The following GDF5 variants were observed in gnomAD, a reference collection of about 807,000 sequenced individuals.
GDF5 encodes growth differentiation factor 5.
GDF5 carries 17 observed loss-of-function variants against 34.6 expected under a neutral mutation model. The ratio of observed to expected loss-of-function variants is 0.49; its 90% confidence interval spans 0.34 to 0.74. The LOEUF (loss-of-function observed/expected upper bound fraction) is 0.74, where lower values mean the gene tolerates loss of function less well. Among genes scored for constraint, GDF5 ranks in the 30% least tolerant of loss-of-function variants. The pLI is 0.01. For missense variants in GDF5, 616 were observed against 661.2 expected, an observed-to-expected ratio of 0.93 and a Z score of 0.75; for synonymous variants, 332 against 290.7, an observed-to-expected ratio of 1.14 and a Z score of -1.44.
At chr20:35,436,302 C>T (rs1310372785) in intron 1 of GDF5, among the ~76,000 whole-genome samples, 1 of 151,976 alleles carries the variant, frequency 6.6e-6, no homozygotes, top group Non-Finnish European at 1.5e-5. Context: ...CCACCTCAGC[C>T]AGACCTGCTG....
At chr20:35,439,908 CTTTT>C (rs34397706), upstream of GDF5, among the ~76,000 whole-genome samples, 12 of 71,632 alleles carry the variant, frequency 1.7e-4, no homozygotes, top group African/African-American at 6.0e-4. Flanking sequence ...AGGCTTCCTT[CTTTT>C]TTTTTTTTTT....
intron 1 of GDF5, among the ~76,000 whole-genome samples, chr20:35,453,235 G>A (rs907682794): frequency 6.6e-6 from 1 of 152,152 alleles, no homozygotes; most frequent in African/African-American, 2.4e-5. Context: ...GGGCGACAAA[G>A]CAAGACCCCG....
chr20:35,437,748 C>T lies in GDF5; in HGVS notation c.181G>A (p.Gly61Arg), dbSNP rs1460142005. ...GCCCCCCCACCATAGCTGTGACCCC[C>T]TGGCCTGAAGACGTTCCGGGCCAGG... ...PPLARNVFRP[G>R]GHSYGGGATN... The change falls in exon 1 of 2, where the codon GGG becomes AGG. Residue 61 changes from glycine (G) to arginine (R), a missense_variant. By Grantham distance (125) the Gly-to-Arg change is moderately radical (BLOSUM62 -2). Coordinates refer to ENST00000374369, the MANE Select transcript of GDF5 (RefSeq NM_000557.5). The T allele has an allele frequency of 1.2e-6, 2 of 1,613,086 alleles. No homozygotes were observed. Among genetic ancestry groups the T allele is most frequent in the African/African-American group, 1.3e-5 (1 of 74,920 alleles).
At chr20:35,452,550 G>A (rs994245644) in intron 1 of GDF5, among the ~76,000 whole-genome samples, 3 of 152,114 alleles carry the variant, frequency 2.0e-5, no homozygotes, top group African/African-American at 7.2e-5. Context: ...AGCCTCCCGA[G>A]TAGCTGGGAT....
chr20:35,434,318 T>C lies in GDF5; in HGVS notation c.1097A>G (p.Asp366Gly), dbSNP rs761203496. 8 of 1,613,982 alleles carry C rather than the reference T, an allele frequency of 5.0e-6. No homozygotes were observed. In the East Asian group the frequency reaches 1.6e-4, roughly 31 times the overall value. The part of the protein sequence containing the change: ...NEIKARSGQD[D>G]KTVYEYLFSQ... ...GAACAGGTACTCATACACGGTCTTATCGTCCTGGCCAGAGCGGGCCTTAAT... is the reference window on the plus strand; with the variant it reads ...GAACAGGTACTCATACACGGTCTTACCGTCCTGGCCAGAGCGGGCCTTAAT... Residue 366 changes from aspartate to glycine, a missense_variant, in exon 2 of 2, where the codon GAT (aspartate) becomes GGT (glycine). Coordinates refer to ENST00000374369, the MANE Select transcript of GDF5 (RefSeq NM_000557.5).
At chr20:35,442,878 G>A (rs746587973), upstream of GDF5, among the ~76,000 whole-genome samples, 2 of 152,044 alleles carry the variant, frequency 1.3e-5, no homozygotes, top group Non-Finnish European at 2.9e-5. Context: ...AATAAATTTA[G>A]GTTCAGAAAG....
chr20:35,442,371 C>T (rs2062500687), upstream of GDF5, among the ~76,000 whole-genome samples: 1 of 151,438 alleles, frequency 6.6e-6, no homozygotes, highest in Admixed American at 6.6e-5. Context: ...GGTCCCAACT[C>T]CTGACCTCAG....
intron 1 of GDF5, among the ~76,000 whole-genome samples, chr20:35,445,373 A>T (rs2062510335): frequency 6.6e-6 from 1 of 151,974 alleles, no homozygotes; most frequent in Admixed American, 6.6e-5. Flanking sequence ...CTATAAAAAT[A>T]AAAAAAACTG....
Position 35,436,218 on chromosome 20 carries a change from C to T in GDF5, c.631+1080G>A, listed in dbSNP as rs566405236. Among the ~76,000 whole-genome samples, 22 of 152,296 alleles carry T rather than the reference C, an allele frequency of 1.4e-4. No individual in the cohort carries two copies. In the East Asian group the frequency reaches 4.0e-3, roughly 28 times the overall value. On this transcript the variant is annotated intron_variant, in intron 1 of 1. Coordinates refer to ENST00000374369, the MANE Select transcript of GDF5 (RefSeq NM_000557.5). The stretch of plus-strand genomic sequence containing the variant: ...TCCAAGCTCCCTTAGTGCTGGGGGG[C>T]ACACGGACTTATTTTATGAGCCCCC...
chr20:35,433,592 G>A lies in GDF5; in HGVS notation c.*317C>T. The A allele has an allele frequency of 4.9e-6, 2 of 409,552 alleles. No homozygotes were observed. Among genetic ancestry groups the A allele is most frequent in the South Asian group, 4.1e-5 (2 of 48,394 alleles). The allele number at this position is 409,552 out of a possible 1,614,324, so 25.4% of individuals were successfully genotyped here. A position where few individuals can be genotyped will look rare whatever the true frequency, so the allele number is the denominator to read the frequency against. On this transcript the variant is annotated 3_prime_UTR_variant, in exon 2 of 2. Transcript: ENST00000374369. ...CAGAGGCTGAGAAGGCCCAGGTGAG[G>A]AGAAATGGTGGGCTGAGTCTCATCG...
intron 1 of GDF5, among the ~76,000 whole-genome samples, chr20:35,445,996 T>G (rs1187733968): frequency 1.4e-5 from 2 of 142,236 alleles, no homozygotes; most frequent in African/African-American, 5.2e-5. Flanking sequence ...AATAAATAAA[T>G]AAAAATAAAA....
chr20:35,440,569 G>A (rs879657139), upstream of GDF5, among the ~76,000 whole-genome samples: 1 of 151,996 alleles, frequency 6.6e-6, no homozygotes, highest in African/African-American at 2.4e-5. Flanking sequence ...CCTCCTCCAT[G>A]AAGCCTTCTT....
intron 1 of GDF5, among the ~76,000 whole-genome samples, chr20:35,451,369 C>T (rs2062532926): frequency 1.3e-5 from 2 of 151,834 alleles, no homozygotes; most frequent in South Asian, 2.1e-4. Flanking sequence ...TCTTTCAACT[C>T]ATCCATTGCC....
intron 1 of GDF5, among the ~76,000 whole-genome samples, chr20:35,445,786 A>T (rs1208282107): frequency 1.3e-5 from 2 of 151,804 alleles, no homozygotes; most frequent in Admixed American, 1.3e-4. Context: ...CCTGACCAAC[A>T]TGGAGAAACC....
chr20:35,451,062 A>ATATAT (rs1437374461), intron 1 of GDF5, among the ~76,000 whole-genome samples: 1 of 69,754 alleles, frequency 1.4e-5, no homozygotes, highest in African/African-American at 7.1e-5. Flanking sequence ...AAAAAAAAAA[A>ATATAT]AAATATATAT....
chr20:35,436,935 T>C (rs1301291105), intron 1 of GDF5, among the ~76,000 whole-genome samples: 2 of 152,172 alleles, frequency 1.3e-5, no homozygotes, highest in African/African-American at 2.4e-5. Context: ...CCTACAAACC[T>C]GTGAAGCTTG....
intron 1 of GDF5, among the ~76,000 whole-genome samples, chr20:35,449,193 T>G (rs1246935439): frequency 6.6e-6 from 1 of 152,038 alleles, no homozygotes; most frequent in Non-Finnish European, 1.5e-5. Flanking sequence ...GGTCTCAAAC[T>G]CCTAAGCTCA....
In GDF5 at chr20:35,438,147, C is replaced by T. The variant is rs542485112; in HGVS notation, c.-219G>A. Reference sequence around the variant, plus strand: ...TAGTGGAAATGCTCTCGTATCCAGACGTGCACCGTCTCCAGTCAGCAGCTG... The same window carrying T: ...TAGTGGAAATGCTCTCGTATCCAGATGTGCACCGTCTCCAGTCAGCAGCTG... On this transcript the variant is annotated 5_prime_UTR_variant, in exon 1 of 2. Transcript: ENST00000374369. The T allele has an allele frequency of 3.3e-5, 20 of 599,108 alleles. No homozygotes were observed. The highest frequency in any genetic ancestry group is 2.6e-4 in the South Asian group (13 of 50,538). The allele number at this position is 599,108 out of a possible 1,614,324, so 37.1% of individuals were successfully genotyped here.
In GDF5 at chr20:35,435,972, G is replaced by A. The variant is rs564376868; in HGVS notation, c.632-1189C>T. ...TGTGTGTGATTCGGCATGTGTGTACGTGTGTGATTCAGCACGTGTGTGTGT... is the reference window on the plus strand; with the variant it reads ...TGTGTGTGATTCGGCATGTGTGTACATGTGTGATTCAGCACGTGTGTGTGT... On this transcript the variant is annotated intron_variant, in intron 1 of 1. Coordinates refer to ENST00000374369, the MANE Select transcript of GDF5 (RefSeq NM_000557.5). Among the ~76,000 whole-genome samples, 9 of 152,240 alleles carry A rather than the reference G, an allele frequency of 5.9e-5. No homozygotes were observed. The South Asian group carries it at 8.3e-4, about 14-fold the overall frequency.
Sources: gnomAD v4.1 joint callset for allele counts (sites outside exome capture counted in the v4.1 genomes callset) on GRCh38, gnomAD v4.1.1 for gene constraint, MANE v1.5 for transcripts, NCBI Gene and HGNC (gene_info 2026-07-23, HGNC 2026-07-21) for gene names.